Variants in TTC3 observed in about 807,000 individuals in gnomAD.
TTC3 encodes the protein E3 ubiquitin-protein ligase TTC3.
A neutral mutation model predicts 249.6 loss-of-function variants in TTC3; 180 were observed. That is an observed-to-expected ratio of 0.72 (90% CI 0.64 to 0.82). The LOEUF (loss-of-function observed/expected upper bound fraction) is 0.82. Ranked by LOEUF, TTC3 falls within the 40% of genes least tolerant of loss-of-function variation. The probability of loss-of-function intolerance (pLI) is 0.00; values close to 1 mark genes in which losing one functional copy is unlikely to be tolerated. For missense variants in TTC3, 2,061 were observed against 2,398.4 expected (o/e 0.86, Z 2.94); for synonymous variants, 717 against 805.0 (o/e 0.89, Z 1.85).
intron 24 of TTC3, among the ~76,000 whole-genome samples, chr21:37,150,419 GT>G (rs1315924254): frequency 6.6e-6 from 1 of 151,986 alleles, no homozygotes; most frequent in Non-Finnish European, 1.5e-5. Context: ...TATTTTTACT[GT>G]TTTTGATAAC....
intron 22 of TTC3, among the ~76,000 whole-genome samples, 199 bp downstream of exon 22, chr21:37,147,802 C>T (rs1176809726): frequency 6.6e-6 from 1 of 151,602 alleles, no homozygotes; most frequent in Non-Finnish European, 1.5e-5. Context: ...GATCTTGGCT[C>T]ACTGCAACCT....
intron 27 of TTC3, among the ~76,000 whole-genome samples, chr21:37,153,590 A>G (rs914399071): frequency 2.6e-5 from 4 of 152,182 alleles, no homozygotes; most frequent in Admixed American, 6.5e-5. Flanking sequence ...GCACACCACA[A>G]TTTTTAGGTT....
At chr21:37,163,975 G>A in intron 31 of TTC3, 76 bp from the exon 32 acceptor site, 5 of 1,475,252 alleles carry the variant, frequency 3.4e-6, no homozygotes, top group Non-Finnish European at 2.7e-6. Context: ...ATTTCAATTA[G>A]ACATTCTTCT....
chr21:37,148,134 T>C (rs1341615877), intron 22 of TTC3, among the ~76,000 whole-genome samples: 1 of 152,178 alleles, frequency 6.6e-6, no homozygotes, highest in African/African-American at 2.4e-5. Flanking sequence ...GCTCATTCTT[T>C]TTCCTCTTCA....
At chr21:37,073,857 C>T (rs1274636672) in intron 1 of TTC3, among the ~76,000 whole-genome samples, 1 of 152,240 alleles carries the variant, frequency 6.6e-6, no homozygotes. Context: ...TGCGCGTCCC[C>T]TAGCGCGCGT....
intron 1 of TTC3, among the ~76,000 whole-genome samples, chr21:37,084,661 C>G (rs886632753): frequency 2.6e-5 from 4 of 152,190 alleles, no homozygotes; most frequent in Non-Finnish European, 4.4e-5. Context: ...TGCAGAGTCC[C>G]TGTTCTTAAC....
intron 41 of TTC3, among the ~76,000 whole-genome samples, chr21:37,192,610 T>C (rs957182557): frequency 6.6e-6 from 1 of 151,972 alleles, no homozygotes; most frequent in Non-Finnish European, 1.5e-5. Flanking sequence ...AGCAGGCCGC[T>C]ATCACCACCT....
intron 28 of TTC3, chr21:37,158,283 C>T: frequency 1.2e-6 from 1 of 866,906 alleles, no homozygotes; most frequent in Non-Finnish European, 1.4e-6. Context: ...CTAAAAAGGA[C>T]ACAATTCCCT....
intron 1 of TTC3, among the ~76,000 whole-genome samples, chr21:37,077,265 G>A (rs1391349327): frequency 6.6e-6 from 1 of 151,858 alleles, no homozygotes; most frequent in Admixed American, 6.6e-5. Flanking sequence ...TTTTTTAAAT[G>A]TCATCTTAAT....
In TTC3 at chr21:37,180,643, G is replaced by A. The variant is rs189294884; in HGVS notation, c.4618-2131G>A. 6.0e-3 allele frequency among the ~76,000 whole-genome samples: 885 copies of A among 147,376 alleles called. 11 individuals are homozygous for A. Among genetic ancestry groups the A allele is most frequent in the African/African-American group, 0.021 (827 of 40,206 alleles). On this transcript the variant is annotated intron_variant, in intron 35 of 45. Coordinates refer to ENST00000355666, the Ensembl canonical transcript of TTC3. ...GGGGAGGGGGGAGGGATAGCATTGGGAGATATACCTAATGCTAGATGACGA... is the reference window on the plus strand; with the variant it reads ...GGGGAGGGGGGAGGGATAGCATTGGAAGATATACCTAATGCTAGATGACGA...
chr21:37,106,992 C>T (rs1178619836), intron 10 of TTC3, among the ~76,000 whole-genome samples: 5 of 151,842 alleles, frequency 3.3e-5, no homozygotes, highest in African/African-American at 4.8e-5. Context: ...ACCTTTGTCA[C>T]GAATCAGGTC....
intron 10 of TTC3, among the ~76,000 whole-genome samples, chr21:37,104,588 C>CAAAAAAAAAAAAAAAAAAAAAA (rs141618903): frequency 5.4e-4 from 56 of 104,294 alleles, no homozygotes; most frequent in Middle Eastern, 0.01. Context: ...AACTCCGTCT[C>CAAAAAAAAAAAAAAAAAAAAAA]AAAAAAAAAA....
exon 24 of TTC3, chr21:37,150,140 C>T: frequency 6.2e-7 from 1 of 1,612,558 alleles, no homozygotes; most frequent in Non-Finnish European, 8.5e-7. Context: ...AGATTATCAT[C>T]TTCAGCAGTG....
intron 11 of TTC3, among the ~76,000 whole-genome samples, chr21:37,118,610 A>C (rs180832657): frequency 6.6e-6 from 1 of 152,348 alleles, no homozygotes; most frequent in Admixed American, 6.5e-5. Context: ...TAAGTAGAAA[A>C]GGGAATTAAT....
chr21:37,119,519 CT>C (rs1467464057), intron 11 of TTC3, among the ~76,000 whole-genome samples: 1 of 152,124 alleles, frequency 6.6e-6, no homozygotes, highest in Admixed American at 6.6e-5. Context: ...CTGTGTGCAG[CT>C]TTCTCTTCTC....
chr21:37,083,665 A>C (rs919744769), intron 1 of TTC3: 9 of 152,428 alleles, frequency 5.9e-5, no homozygotes, highest in African/African-American at 2.2e-4. Context: ...GATAAACAGC[A>C]TACAGAAAGA....
intron 35 of TTC3, among the ~76,000 whole-genome samples, chr21:37,176,135 C>A (rs1009540808): frequency 6.6e-6 from 1 of 152,132 alleles, no homozygotes; most frequent in Non-Finnish European, 1.5e-5. Flanking sequence ...TTTTATTGTA[C>A]CCTAACCTAT....
intron 5 of TTC3, among the ~76,000 whole-genome samples, chr21:37,089,812 C>T (rs2073005967): frequency 1.3e-5 from 2 of 152,088 alleles, no homozygotes; most frequent in Admixed American, 1.3e-4. Flanking sequence ...GTAGAAACCT[C>T]ACCTCTACTA....
chr21:37,182,568 G>A (rs527589060), intron 35 of TTC3, among the ~76,000 whole-genome samples: 2 of 152,294 alleles, frequency 1.3e-5, no homozygotes, highest in East Asian at 3.9e-4. Flanking sequence ...TACACGTAGC[G>A]GGTAGGATGT....
Sources: gnomAD v4.1 joint callset for allele counts (sites outside exome capture counted in the v4.1 genomes callset) on GRCh38, gnomAD v4.1.1 for gene constraint, MANE v1.5 for transcripts, NCBI Gene and HGNC (gene_info 2026-07-23, HGNC 2026-07-21) for gene names.